The following ZBTB7C variants were observed in gnomAD, a reference collection of about 807,000 sequenced individuals.
ZBTB7C encodes the protein zinc finger and BTB domain containing 7C.
A neutral mutation model predicts 25.7 loss-of-function variants in ZBTB7C; 8 were observed. That is an observed-to-expected ratio of 0.31 (90% CI 0.18 to 0.56). The LOEUF (loss-of-function observed/expected upper bound fraction) is 0.56. Among genes scored for constraint, ZBTB7C ranks in the 20% least tolerant of loss-of-function variants. The probability of loss-of-function intolerance (pLI) is 0.91; values close to 1 mark genes in which losing one functional copy is unlikely to be tolerated. For synonymous variants in ZBTB7C, 394 were observed against 369.0 expected (o/e 1.07, Z -0.78); for missense variants, 824 against 855.2 (o/e 0.96, Z 0.46).
chr18:48,073,505 G>A (rs1053654192), intron 3 of ZBTB7C, among the ~76,000 whole-genome samples: 4 of 152,240 alleles, frequency 2.6e-5, no homozygotes, highest in East Asian at 3.9e-4. Context: ...AAGAGTCCCC[G>A]GGGCTGGGAC....
At chr18:48,170,544 C>T (rs1010586176) in intron 3 of ZBTB7C, among the ~76,000 whole-genome samples, 12 of 152,208 alleles carry the variant, frequency 7.9e-5, no homozygotes, top group African/African-American at 2.9e-4. Flanking sequence ...CAGGGATGAG[C>T]ATTTTCAGAC....
chr18:48,029,540 C>T lies in ZBTB7C; in HGVS notation c.1580G>A (p.Gly527Asp), dbSNP rs1330619668. 2.6e-5 allele frequency: 41 copies of T among 1,565,234 alleles called. No individual in the cohort carries two copies. Among genetic ancestry groups the T allele is most frequent in the Non-Finnish European group, 3.3e-5 (39 of 1,166,162 alleles). Reference sequence around the variant, plus strand: ...CAGGAAGTGCTTGGCGGGGCTGGGGCCCGGGAGGCACACAGCTGCGCCGCC... The same window carrying T: ...CAGGAAGTGCTTGGCGGGGCTGGGGTCCGGGAGGCACACAGCTGCGCCGCC... ...HLGGAAVCLPGPSPAKHFLAA... is the reference protein window; with the variant it reads ...HLGGAAVCLPDPSPAKHFLAA... Residue 527 changes from glycine to aspartate, a missense_variant, in exon 5 of 5, where the codon GGC (glycine) becomes GAC (aspartate). Around this residue, in one of 4 missense-constraint regions of ZBTB7C, gnomAD observed 342 missense variants for 307.0 expected, o/e 1.11. Transcript: ENST00000590800.
chr18:48,239,997 G>A (rs1438610986), intron 2 of ZBTB7C, among the ~76,000 whole-genome samples: 1 of 151,884 alleles, frequency 6.6e-6, no homozygotes, highest in Middle Eastern at 3.2e-3. Context: ...AAAATCTCCA[G>A]AGAAATAGAT....
chr18:48,367,194 TATATATATACACACAC>T (rs1450293718), intron 1 of ZBTB7C, among the ~76,000 whole-genome samples: 3 of 53,888 alleles, frequency 5.6e-5, no homozygotes, highest in African/African-American at 2.2e-4. Context: ...TATATATATA[TATATATATACACACAC>T]ACACACACAC....
chr18:48,172,949 C>G (rs548620596), intron 3 of ZBTB7C, among the ~76,000 whole-genome samples: 1 of 152,192 alleles, frequency 6.6e-6, no homozygotes, highest in Non-Finnish European at 1.5e-5. Flanking sequence ...GCCTCTGGCA[C>G]AGCCATGAAC....
intron 3 of ZBTB7C, chr18:48,137,412 G>GTT (rs200797457): frequency 0.013 from 10,373 of 799,334 alleles, 228 homozygotes; most frequent in African/African-American, 0.083. Flanking sequence ...TTTTTTGTGG[G>GTT]TTTCCCCCCA....
intron 1 of ZBTB7C, among the ~76,000 whole-genome samples, chr18:48,387,849 G>A (rs1299434990): frequency 6.7e-6 from 1 of 148,330 alleles, no homozygotes; most frequent in Admixed American, 6.8e-5. Context: ...GTTGTTGTTT[G>A]TTTGTTTGTT....
intron 2 of ZBTB7C, among the ~76,000 whole-genome samples, chr18:48,297,168 C>A (rs986303787): frequency 2.0e-5 from 3 of 152,214 alleles, no homozygotes; most frequent in Non-Finnish European, 4.4e-5. Context: ...CTCTCCTACA[C>A]AAAGAGTGGC....
At chr18:48,391,310 T>A (rs1362425643) in intron 1 of ZBTB7C, among the ~76,000 whole-genome samples, 9 of 152,210 alleles carry the variant, frequency 5.9e-5, no homozygotes, top group Non-Finnish European at 1.3e-4. Flanking sequence ...CAGAACTCCA[T>A]GAAGTTGTCA....
At chr18:48,045,141 GT>G (rs1433883595) in intron 3 of ZBTB7C, among the ~76,000 whole-genome samples, 1 of 152,212 alleles carries the variant, frequency 6.6e-6, no homozygotes, top group Non-Finnish European at 1.5e-5. Context: ...AAGGATTTGG[GT>G]GGCACTGCCC....
chr18:48,403,822 G>A (rs980646123), intron 1 of ZBTB7C, among the ~76,000 whole-genome samples: 3 of 150,924 alleles, frequency 2.0e-5, no homozygotes, highest in Non-Finnish European at 1.5e-5. Flanking sequence ...AAAAACCTAT[G>A]AAATAAAAAA....
At chr18:48,162,316 G>C (rs1184120079) in intron 3 of ZBTB7C, 2 of 454,122 alleles carry the variant, frequency 4.4e-6, no homozygotes, top group Admixed American at 2.4e-5. Flanking sequence ...CCACCTCAGA[G>C]GCAGGGCCGC....
In ZBTB7C at chr18:48,188,971, T is replaced by C. The variant is rs1232061082; in HGVS notation, c.-78-2976A>G. Among the ~76,000 whole-genome samples the C allele has an allele frequency of 2.6e-5, 4 of 152,230 alleles. No individual in the cohort carries two copies. The East Asian group carries it at 7.7e-4, about 29-fold the overall frequency. On this transcript the variant is annotated intron_variant, in intron 2 of 4. Coordinates refer to ENST00000590800, the MANE Select transcript of ZBTB7C (RefSeq NM_001318841.2). ...AATCAATCACTTCTTAGGTACTATC[T>C]CATGTTCTTGTCTGAAAATCTGGTC...
At chr18:48,326,535 C>T (rs548751751) in intron 2 of ZBTB7C, among the ~76,000 whole-genome samples, 39 of 152,258 alleles carry the variant, frequency 2.6e-4, no homozygotes, top group African/African-American at 9.1e-4. Flanking sequence ...AAGTCGGTCC[C>T]TCCATAGGGG....
chr18:48,409,545 G>GGATGT (rs2048358959), upstream of ZBTB7C: 1 of 149,192 alleles, frequency 6.7e-6, no homozygotes, highest in African/African-American at 2.4e-5. Context: ...TAAAGGGCCC[G>GGATGT]GATGTGTGCG....
chr18:48,314,133 G>A (rs1170002865), intron 2 of ZBTB7C, among the ~76,000 whole-genome samples: 3 of 152,146 alleles, frequency 2.0e-5, no homozygotes, highest in Admixed American at 1.3e-4. Flanking sequence ...TCGTAGCAAC[G>A]CAAGAACGAA....
chr18:48,348,038 T>C (rs1259226418), intron 1 of ZBTB7C, among the ~76,000 whole-genome samples: 1 of 152,186 alleles, frequency 6.6e-6, no homozygotes, highest in Admixed American at 6.5e-5. Context: ...GAGCCAAGAC[T>C]GTAAAATAGC....
chr18:48,081,733 T>C (rs928218533), intron 3 of ZBTB7C, among the ~76,000 whole-genome samples: 1 of 152,134 alleles, frequency 6.6e-6, no homozygotes, highest in African/African-American at 2.4e-5. Flanking sequence ...ACTCCTACCA[T>C]GTGCAGAAGA....
chr18:48,387,049 T>C (rs1427111006), intron 1 of ZBTB7C, among the ~76,000 whole-genome samples: 3 of 152,034 alleles, frequency 2.0e-5, no homozygotes, highest in Non-Finnish European at 2.9e-5. Context: ...AAAAGATGAG[T>C]TGGATTTTAA....
Sources: gnomAD v4.1 joint callset for allele counts (sites outside exome capture counted in the v4.1 genomes callset) on GRCh38, gnomAD v4.1.1 for gene constraint, gnomAD v4.1.1 regional missense constraint, MANE v1.5 for transcripts, NCBI Gene and HGNC (gene_info 2026-07-23, HGNC 2026-07-21) for gene names.